PIEZO2: variants seen among roughly 807,000 people sequenced by gnomAD.
PIEZO2 encodes the protein piezo type mechanosensitive ion channel component 2.
A neutral mutation model predicts 337.3 loss-of-function variants in PIEZO2; 172 were observed. The observed-to-expected ratio is 0.51, with a 90% confidence interval of 0.45 to 0.58. The LOEUF (loss-of-function observed/expected upper bound fraction) is 0.58. Among genes scored for constraint, PIEZO2 ranks in the 20% least tolerant of loss-of-function variants. The probability of loss-of-function intolerance (pLI) is 0.00; values close to 1 mark genes in which losing one functional copy is unlikely to be tolerated. For synonymous variants in PIEZO2, 1,251 were observed against 1,228.5 expected, an observed-to-expected ratio of 1.02 and a Z score of -0.38; for missense variants, 3,028 against 3,391.3, an observed-to-expected ratio of 0.89 and a Z score of 2.66.
intron 7 of PIEZO2, among the ~76,000 whole-genome samples, chr18:10,809,695 A>C (rs183346550): frequency 6.6e-6 from 1 of 152,126 alleles, no homozygotes; most frequent in Non-Finnish European, 1.5e-5. Flanking sequence ...ACTACACAGC[A>C]TCCAACAATT....
chr18:11,137,202 T>A (rs2040513036), intron 1 of PIEZO2, among the ~76,000 whole-genome samples: 1 of 152,124 alleles, frequency 6.6e-6, no homozygotes, highest in African/African-American at 2.4e-5. Context: ...AATCAACTGT[T>A]TTGTAAAATC....
At chr18:10,997,707 G>A (rs1027425852) in intron 2 of PIEZO2, among the ~76,000 whole-genome samples, 3 of 152,014 alleles carry the variant, frequency 2.0e-5, no homozygotes, top group African/African-American at 4.8e-5. Flanking sequence ...GAAATTAATA[G>A]AAATTACCCC....
intron 47 of PIEZO2, among the ~76,000 whole-genome samples, chr18:10,695,240 G>C (rs2035030592): frequency 6.6e-6 from 1 of 152,244 alleles, no homozygotes; most frequent in South Asian, 2.1e-4. Flanking sequence ...AGTCTATAGA[G>C]AAGTGTTATC....
At chr18:10,704,269 T>A in intron 42 of PIEZO2, 125 bp downstream of exon 42, 2 of 1,231,098 alleles carry the variant, frequency 1.6e-6, no homozygotes, top group Non-Finnish European at 2.2e-6. Context: ...TGGAACTGCA[T>A]GTTCCATGTG....
chr18:10,803,885 T>G lies in PIEZO2; in HGVS notation c.1190A>C (p.Asp397Ala). 6.5e-7 allele frequency: 1 copy of G among 1,537,198 alleles called. No homozygotes were observed. The highest frequency in any genetic ancestry group is 1.2e-5 in the South Asian group (1 of 84,030). ...TTCATCATGGCTTACTTTTCTCTCA[T>G]CAGTGGGGTAATGGGTTGCGTACCA... is the stretch of plus-strand genomic sequence containing the variant. ...SLWYATHYPT[D>A]ERKLLSMTQD... Residue 397 changes from aspartate to alanine, a missense_variant, in exon 9 of 56, where the codon GAT becomes GCT. Physicochemically the swap from Asp to Ala is moderately radical, Grantham distance 126. Transcript: ENST00000674853.
chr18:10,724,736 C>A lies in PIEZO2; in HGVS notation c.5030-6477G>T. 1 of 1,527,914 alleles carries A rather than the reference C, an allele frequency of 6.5e-7. No individual in the cohort carries two copies. The highest frequency in any genetic ancestry group is 8.9e-7 in the Non-Finnish European group (1 of 1,126,820). 94.6% of individuals were successfully genotyped at this position (1,527,914 alleles called of 1,614,324 possible). Reference sequence around the variant, plus strand: ...GACCGAGATGGGCCACCACTGTACCCCTGGTCTCAGTCCCTGGCCTTGCCC... The same window carrying A: ...GACCGAGATGGGCCACCACTGTACCACTGGTCTCAGTCCCTGGCCTTGCCC... On this transcript the variant is annotated intron_variant, in intron 36 of 55. Coordinates refer to ENST00000674853, the MANE Select transcript of PIEZO2 (RefSeq NM_001378183.1). The surrounding 1 kb of genome is among the most constrained non-coding windows in gnomAD (Gnocchi z 5.8).
chr18:10,764,837 CAT>C (rs1292712582), intron 21 of PIEZO2, among the ~76,000 whole-genome samples: 2 of 152,202 alleles, frequency 1.3e-5, no homozygotes, highest in African/African-American at 4.8e-5. Context: ...CACTCATAAA[CAT>C]GTTACCTTTT....
chr18:10,731,182 T>TATATAC (rs1567995661), intron 36 of PIEZO2, among the ~76,000 whole-genome samples: 7 of 22,392 alleles, frequency 3.1e-4, no homozygotes, highest in African/African-American at 2.0e-3. Context: ...AAAGATTATA[T>TATATAC]ATATATATAT....
chr18:10,832,668 C>G (rs894289443), intron 7 of PIEZO2, among the ~76,000 whole-genome samples: 1 of 152,104 alleles, frequency 6.6e-6, no homozygotes, highest in African/African-American at 2.4e-5. Flanking sequence ...AAGAACTACC[C>G]GGGAATGTAC....
At position 10,759,004 on chromosome 18, in the gene PIEZO2, C is replaced by A. The variant is rs1319754467; in HGVS notation, c.3757+478G>T. ...TCTGGTCTTGGAGGAGCTGCTCTGA[C>A]CTTTGGATCACCAGCTGCCATGGGA... On this transcript the variant is annotated intron_variant, in intron 26 of 55. Coordinates refer to ENST00000674853, the MANE Select transcript of PIEZO2 (RefSeq NM_001378183.1). This position sits in a 1 kb window ranked among gnomAD's most constrained non-coding sequence, Gnocchi z 5.5. Among the ~76,000 whole-genome samples, 1 of 152,158 alleles carries A rather than the reference C, an allele frequency of 6.6e-6. No homozygotes were observed. The highest frequency in any genetic ancestry group is 2.4e-5 in the African/African-American group (1 of 41,436).
intron 49 of PIEZO2, among the ~76,000 whole-genome samples, chr18:10,687,874 C>T (rs1424658030): frequency 5.3e-5 from 8 of 152,302 alleles, no homozygotes; most frequent in Non-Finnish European, 7.3e-5. Context: ...GGCCACCAGA[C>T]GATAGCAGCC....
rs1464394731 is a variant in PIEZO2, at chr18:10,830,525, A to G, written c.918-23251T>C. Among the ~76,000 whole-genome samples, 1 of 151,966 alleles carries G rather than the reference A, an allele frequency of 6.6e-6. No individual in the cohort carries two copies. The highest frequency in any genetic ancestry group is 6.6e-5 in the Admixed American group (1 of 15,238). On this transcript the variant is annotated intron_variant, in intron 7 of 55. Transcript: ENST00000674853. This position sits in a 1 kb window ranked among gnomAD's most constrained non-coding sequence, Gnocchi z 4.7. The stretch of plus-strand genomic sequence containing the variant: ...CTATTTCTCTCCATTTACAAACATC[A>G]AATCAAAATGGATTAAAGACTTAAA...
Position 11,035,966 on chromosome 18 carries a change from A to C in PIEZO2, c.160+30161T>G, listed in dbSNP as rs2036913605. 5.9e-5 allele frequency among the ~76,000 whole-genome samples: 9 copies of C among 152,196 alleles called. No individual in the cohort carries two copies. Among genetic ancestry groups the C allele is most frequent in the Admixed American group, 5.9e-4 (9 of 15,278 alleles). On this transcript the variant is annotated intron_variant, in intron 2 of 55. Transcript: ENST00000674853. The surrounding 1 kb of genome is among the most constrained non-coding windows in gnomAD (Gnocchi z 4.3). Reference sequence around the variant, plus strand: ...AAGTCCACACCTGGAACATGCTTGAAGCACAGGTGCTCAGTTGGGGCACAC... The same window carrying C: ...AAGTCCACACCTGGAACATGCTTGACGCACAGGTGCTCAGTTGGGGCACAC...
Position 10,784,679 on chromosome 18 carries a change from T to C in PIEZO2, c.2492+105A>G, listed in dbSNP as rs1386010760. 16 of 1,149,420 alleles carry C rather than the reference T, an allele frequency of 1.4e-5. No individual in the cohort carries two copies. The highest frequency in any genetic ancestry group is 1.9e-5 in the Non-Finnish European group (16 of 850,464). 71.2% of individuals were successfully genotyped at this position (1,149,420 alleles called of 1,614,324 possible). Reference sequence around the variant, plus strand: ...CTGATACTCATGGAAAATTCAAGGCTGAAACTTTTAGATTACTGGCTTCTC... The same window carrying C: ...CTGATACTCATGGAAAATTCAAGGCCGAAACTTTTAGATTACTGGCTTCTC... On this transcript the variant is annotated intron_variant, in intron 17 of 55. Transcript: ENST00000674853. This position sits in a 1 kb window ranked among gnomAD's most constrained non-coding sequence, Gnocchi z 4.5.
Position 10,897,189 on chromosome 18 carries a change from A to ATT in PIEZO2, c.329+13995_329+13996dup, listed in dbSNP as rs113732954. ...TAGTGAGTAAGTCTCAGGAGATCTG[A>ATT]TTTTTTTTTTTTTCTGAGATGGAGC... On this transcript the variant is annotated intron_variant, in intron 4 of 55. Transcript: ENST00000674853. Among the ~76,000 whole-genome samples, 176 of 146,226 alleles carry ATT rather than the reference A, an allele frequency of 1.2e-3. 2 individuals carry two copies. Among genetic ancestry groups the ATT allele is most frequent in the African/African-American group, 2.0e-3 (80 of 39,746 alleles).
intron 7 of PIEZO2, among the ~76,000 whole-genome samples, chr18:10,848,801 C>T (rs891863625): frequency 6.6e-6 from 1 of 152,150 alleles, no homozygotes; most frequent in Non-Finnish European, 1.5e-5. Flanking sequence ...GCTAAATGTT[C>T]ATTAGTAGGA....
chr18:10,808,247 C>G (rs945657497), intron 7 of PIEZO2, among the ~76,000 whole-genome samples: 1 of 152,066 alleles, frequency 6.6e-6, no homozygotes, highest in Non-Finnish European at 1.5e-5. Flanking sequence ...TGCCACCATA[C>G]CCAACTATTA....
rs1486290391 is a variant in PIEZO2 at position 10,942,408 on chromosome 18, T to C, written c.287-31180A>G. ...ATCCAGGCTGAGGTGGTCTCAGATG[T>C]AGATGAGGAACTTGTTGGGAAATGG... On this transcript the variant is annotated intron_variant, in intron 3 of 55. Transcript: ENST00000674853. The surrounding 1 kb of genome is among the most constrained non-coding windows in gnomAD (Gnocchi z 4.4). 2.6e-5 allele frequency among the ~76,000 whole-genome samples: 4 copies of C among 152,176 alleles called. No individual in the cohort carries two copies. The highest frequency in any genetic ancestry group is 4.4e-5 in the Non-Finnish European group (3 of 68,028).
In PIEZO2 at chr18:10,833,908, T is replaced by C. The variant is rs1388240343; in HGVS notation, c.917+21445A>G. On this transcript the variant is annotated intron_variant, in intron 7 of 55. Transcript: ENST00000674853. The surrounding 1 kb of genome is among the most constrained non-coding windows in gnomAD (Gnocchi z 4.7). ...ACATTCCTCCTAATCCTTGTCTTTG[T>C]TGCTTTTCTACAGACCTCAAAACTT... is the stretch of plus-strand genomic sequence containing the variant. Among the ~76,000 whole-genome samples the C allele has an allele frequency of 6.6e-6, 1 of 152,250 alleles. No individual in the cohort carries two copies. Among genetic ancestry groups the C allele is most frequent in the African/African-American group, 2.4e-5 (1 of 41,468 alleles).
Sources: gnomAD v4.1 joint callset for allele counts (sites outside exome capture counted in the v4.1 genomes callset) on GRCh38, gnomAD v4.1.1 for gene constraint, Gnocchi (gnomAD v3.1) non-coding constraint, MANE v1.5 for transcripts, NCBI Gene and HGNC (gene_info 2026-07-23, HGNC 2026-07-21) for gene names.